Variants in EPHB1 observed in about 807,000 individuals in gnomAD.
EPHB1 encodes the protein EPH receptor B1, also known as ephrin type-B receptor 1.
In EPHB1, 30 loss-of-function variants were observed where a neutral mutation model predicts 94.4. That is an observed-to-expected ratio of 0.32 (90% CI 0.24 to 0.43). The LOEUF (loss-of-function observed/expected upper bound fraction) is 0.43, where lower values mean the gene tolerates loss of function less well. Ranked by LOEUF, EPHB1 falls within the 20% of genes least tolerant of loss-of-function variation. The pLI is 1.00. For synonymous variants in EPHB1, 522 were observed against 489.1 expected (o/e 1.07, Z -0.89); for missense variants, 1,055 against 1,308.3 (o/e 0.81, Z 2.99).
chr3:135,039,725 G>T (rs1936772184), intron 3 of EPHB1, among the ~76,000 whole-genome samples: 2 of 152,228 alleles, frequency 1.3e-5, no homozygotes, highest in Non-Finnish European at 2.9e-5. Flanking sequence ...TGCTTCGAGT[G>T]CGGGGCCCAC....
chr3:135,020,709 A>T (rs534142266), intron 3 of EPHB1, among the ~76,000 whole-genome samples: 5 of 152,326 alleles, frequency 3.3e-5, no homozygotes, highest in Admixed American at 1.3e-4. Flanking sequence ...CTCCGAGGTT[A>T]GGTGTCCTCT....
intron 13 of EPHB1, among the ~76,000 whole-genome samples, chr3:135,242,984 G>A (rs951310487): frequency 5.4e-5 from 8 of 148,566 alleles, no homozygotes; most frequent in African/African-American, 2.0e-4. Context: ...ACTGAGGCAC[G>A]AAAATTGCTT....
intron 3 of EPHB1, 61 bp downstream of exon 3, chr3:134,952,113 C>A: frequency 6.6e-7 from 1 of 1,510,456 alleles, no homozygotes; most frequent in Non-Finnish European, 8.9e-7. Context: ...GCAAGGTTTC[C>A]CCACCAATAA....
intron 11 of EPHB1, among the ~76,000 whole-genome samples, chr3:135,199,171 G>A (rs186870010): frequency 5.3e-5 from 8 of 152,284 alleles, no homozygotes. Flanking sequence ...GAGACATTCT[G>A]TATGTGTAGA....
intron 12 of EPHB1, among the ~76,000 whole-genome samples, chr3:135,207,829 C>T (rs1942938857): frequency 6.6e-6 from 1 of 152,164 alleles, no homozygotes; most frequent in Non-Finnish European, 1.5e-5. Context: ...GGGCTCTATT[C>T]CTGGTTATGT....
At chr3:135,075,589 G>C (rs951359439) in intron 3 of EPHB1, among the ~76,000 whole-genome samples, 1 of 152,150 alleles carries the variant, frequency 6.6e-6, no homozygotes, top group Non-Finnish European at 1.5e-5. Flanking sequence ...GATGGGCTTT[G>C]TGCTTCTTCA....
intron 2 of EPHB1, among the ~76,000 whole-genome samples, chr3:134,945,368 A>G (rs1560308989): frequency 6.6e-6 from 1 of 152,154 alleles, no homozygotes; most frequent in Non-Finnish European, 1.5e-5. Context: ...TTCATTTTTA[A>G]TGTTTAAATC....
intron 15 of EPHB1, 98 bp from the exon 16 acceptor site, chr3:135,258,914 T>C (rs977053861): frequency 9.4e-7 from 1 of 1,058,694 alleles, no homozygotes; most frequent in Admixed American, 2.4e-5. Context: ...TTTTGTAGCA[T>C]GGCTACTTCC....
At chr3:135,061,368 A>ACCCCCCCCCCCCCCC (rs34282243) in intron 3 of EPHB1, among the ~76,000 whole-genome samples, 2 of 111,372 alleles carry the variant, frequency 1.8e-5, no homozygotes. Flanking sequence ...AGGAATGACC[A>ACCCCCCCCCCCCCCC]CCCCCCCCGA....
intron 10 of EPHB1, among the ~76,000 whole-genome samples, chr3:135,183,585 G>A (rs1942249568): frequency 6.6e-6 from 1 of 152,210 alleles, no homozygotes; most frequent in Admixed American, 6.5e-5. Context: ...ATGCCACTCA[G>A]TGAGAGGAAG....
intron 3 of EPHB1, among the ~76,000 whole-genome samples, chr3:135,066,919 G>C (rs776482898): frequency 5.3e-5 from 8 of 152,178 alleles, no homozygotes; most frequent in Non-Finnish European, 1.0e-4. Context: ...TCCTGTGGAT[G>C]TGGCTTCCTG....
chr3:134,877,035 G>A (rs959044833), intron 1 of EPHB1, among the ~76,000 whole-genome samples: 14 of 152,274 alleles, frequency 9.2e-5, no homozygotes, highest in Admixed American at 2.6e-4. Flanking sequence ...CTTGGTACCT[G>A]TAAGCCCACT....
At chr3:135,047,262 G>A (rs1177549199) in intron 3 of EPHB1, among the ~76,000 whole-genome samples, 2 of 152,210 alleles carry the variant, frequency 1.3e-5, no homozygotes, top group South Asian at 2.1e-4. Context: ...GCAAATTAGA[G>A]CAAGTAACCT....
At chr3:135,180,606 A>G (rs906701304) in intron 10 of EPHB1, among the ~76,000 whole-genome samples, 3 of 152,188 alleles carry the variant, frequency 2.0e-5, no homozygotes, top group African/African-American at 4.8e-5. Flanking sequence ...CTGCACTGGA[A>G]TAGAAACCCA....
At chr3:135,036,469 T>C (rs1007786777) in intron 3 of EPHB1, among the ~76,000 whole-genome samples, 3 of 152,168 alleles carry the variant, frequency 2.0e-5, no homozygotes, top group Admixed American at 6.5e-5. Flanking sequence ...CTTTGCCATG[T>C]GGGTGCTCTG....
At chr3:134,821,812 T>C (rs1245281016) in intron 1 of EPHB1, among the ~76,000 whole-genome samples, 2 of 152,210 alleles carry the variant, frequency 1.3e-5, no homozygotes, top group Non-Finnish European at 2.9e-5. Flanking sequence ...GAGCCTGTGC[T>C]GTTGTGATGC....
Position 135,154,170 on chromosome 3 carries a change from T to C in EPHB1, c.1316T>C (p.Ile439Thr). The C allele has an allele frequency of 1.9e-6, 3 of 1,614,004 alleles. No individual in the cohort carries two copies. In the South Asian group the frequency reaches 3.3e-5, roughly 18 times the overall value. Residue 439 changes from isoleucine (I) to threonine (T), a missense_variant, in exon 6 of 16, where the codon ATC becomes ACC. By Grantham distance (89) the Ile-to-Thr change is moderately conservative (BLOSUM62 -1). Coordinates refer to ENST00000398015, the MANE Select transcript of EPHB1 (RefSeq NM_004441.5). Reference protein sequence around the residue: ...TNQAAPSTVPIMHQVSATMRS... With the variant: ...TNQAAPSTVPTMHQVSATMRS... ...TCCACAGCCCCCTCCACCGTTCCCA[T>C]CATGCACCAAGTCAGTGCCACTATG... is the stretch of plus-strand genomic sequence containing the variant.
chr3:134,860,026 T>C (rs1034152753), intron 1 of EPHB1, among the ~76,000 whole-genome samples: 15 of 152,200 alleles, frequency 9.9e-5, no homozygotes, highest in Non-Finnish European at 2.1e-4. Flanking sequence ...ATTATGTATT[T>C]CACCTTTTTT....
intron 2 of EPHB1, among the ~76,000 whole-genome samples, chr3:134,935,785 A>T (rs996730871): frequency 6.6e-6 from 1 of 152,012 alleles, no homozygotes; most frequent in Non-Finnish European, 1.5e-5. Flanking sequence ...TACATGAACA[A>T]TGTCAGAGAG....
Sources: gnomAD v4.1 joint callset for allele counts (sites outside exome capture counted in the v4.1 genomes callset) on GRCh38, gnomAD v4.1.1 for gene constraint, MANE v1.5 for transcripts, NCBI Gene and HGNC (gene_info 2026-07-23, HGNC 2026-07-21) for gene names.